CFAP61: variants seen among roughly 807,000 people sequenced by gnomAD.
CFAP61 encodes the protein cilia- and flagella-associated protein 61.
In CFAP61, 107 loss-of-function variants were observed where a neutral mutation model predicts 135.6. That is an observed-to-expected ratio of 0.79 (90% CI 0.67 to 0.93). The LOEUF (loss-of-function observed/expected upper bound fraction) is 0.93. CFAP61 is among the 40% of genes least tolerant of loss of function. The pLI, the probability that CFAP61 is intolerant of heterozygous loss-of-function variation, is 0.00. For missense variants in CFAP61, 1,507 were observed against 1,556.2 expected (o/e 0.97, Z 0.53); for synonymous variants, 575 against 578.5 (o/e 0.99, Z 0.09).
chr20:20,080,515 A>G (rs910689506), intron 6 of CFAP61, among the ~76,000 whole-genome samples: 1 of 152,228 alleles, frequency 6.6e-6, no homozygotes, highest in Non-Finnish European at 1.5e-5. Context: ...ATCATCCAGC[A>G]TTCATATATA....
At chr20:20,239,757 A>G (rs1438943504) in intron 18 of CFAP61, among the ~76,000 whole-genome samples, 1 of 152,226 alleles carries the variant, frequency 6.6e-6, no homozygotes, top group African/African-American at 2.4e-5. Context: ...AATCTCTACC[A>G]AGAACAAAGG....
At chr20:20,188,107 C>T in intron 14 of CFAP61, 51 bp downstream of exon 14, 2 of 1,596,256 alleles carry the variant, frequency 1.3e-6, no homozygotes, top group Non-Finnish European at 1.7e-6. Context: ...TTATGATGAC[C>T]CATGTAGATT....
intron 25 of CFAP61, among the ~76,000 whole-genome samples, chr20:20,305,420 T>C (rs1017124824): frequency 1.3e-5 from 2 of 152,258 alleles, no homozygotes; most frequent in African/African-American, 2.4e-5. Flanking sequence ...AGCAGCCTTT[T>C]GCTGTGTTCA....
chr20:20,117,035 C>T (rs1044401504), intron 8 of CFAP61, among the ~76,000 whole-genome samples: 3 of 152,160 alleles, frequency 2.0e-5, no homozygotes, highest in African/African-American at 4.8e-5. Flanking sequence ...CCTTTCCCCG[C>T]TTTGTTATTG....
At chr20:20,143,640 A>G (rs2051605303) in intron 9 of CFAP61, among the ~76,000 whole-genome samples, 1 of 152,234 alleles carries the variant, frequency 6.6e-6, no homozygotes, top group African/African-American at 2.4e-5. Flanking sequence ...GAAACAAGCC[A>G]AGCGAATCCT....
intron 24 of CFAP61, among the ~76,000 whole-genome samples, chr20:20,296,255 C>G (rs371068824): frequency 1.2e-5 from 1 of 81,044 alleles, no homozygotes; most frequent in Non-Finnish European, 2.6e-5. Context: ...CCTCTTCCTT[C>G]CTTTCTTCAC....
At chr20:20,067,706 A>T (rs1183812972) in intron 2 of CFAP61, among the ~76,000 whole-genome samples, 4 of 145,148 alleles carry the variant, frequency 2.8e-5, no homozygotes, top group Non-Finnish European at 6.0e-5. Flanking sequence ...ATATATTCAT[A>T]TTTTATATAT....
intron 8 of CFAP61, among the ~76,000 whole-genome samples, chr20:20,139,696 G>A (rs1024809521): frequency 4.6e-5 from 7 of 152,110 alleles, no homozygotes; most frequent in East Asian, 1.9e-4. Flanking sequence ...AGGGATGAAC[G>A]TGGCAGCTGC....
At chr20:20,340,446 G>A (rs1404477321) in intron 25 of CFAP61, among the ~76,000 whole-genome samples, 1 of 152,156 alleles carries the variant, frequency 6.6e-6, no homozygotes, top group Non-Finnish European at 1.5e-5. Flanking sequence ...GGGAACCTGG[G>A]TGTTTAGATG....
intron 21 of CFAP61, among the ~76,000 whole-genome samples, chr20:20,269,413 C>G (rs1409191792): frequency 6.6e-6 from 1 of 151,780 alleles, no homozygotes; most frequent in Non-Finnish European, 1.5e-5. Flanking sequence ...GCTCTGCCAT[C>G]CAGGCTGGAG....
intron 24 of CFAP61, among the ~76,000 whole-genome samples, chr20:20,296,258 TTCTTCACCCCTCCCCCTTCCCTCATC>T: frequency 1.1e-5 from 1 of 91,014 alleles, no homozygotes; most frequent in Non-Finnish European, 2.3e-5. Context: ...CTTCCTTCCT[TTCTTCACCCCTCCCCCTTCCCTCATC>T]CCTTCCCTCC....
At chr20:20,278,598 G>A (rs186632273) in intron 22 of CFAP61, among the ~76,000 whole-genome samples, 2 of 152,266 alleles carry the variant, frequency 1.3e-5, no homozygotes, top group Admixed American at 1.3e-4. Context: ...CCATTTAGGG[G>A]CAGGCATTCA....
intron 2 of CFAP61, among the ~76,000 whole-genome samples, chr20:20,067,050 A>G (rs1430810806): frequency 6.6e-6 from 1 of 152,106 alleles, no homozygotes; most frequent in Non-Finnish European, 1.5e-5. Context: ...TGTAAATTAT[A>G]CCACATTAAA....
chr20:20,253,530 C>A (rs138787759), intron 20 of CFAP61: 9 of 460,130 alleles, frequency 2.0e-5, no homozygotes, highest in South Asian at 1.3e-4. Flanking sequence ...AGAGAATCTA[C>A]ATGTAAACCC....
intron 13 of CFAP61, chr20:20,172,246 A>C: frequency 8.1e-6 from 8 of 984,690 alleles, no homozygotes; most frequent in Non-Finnish European, 7.2e-6. Context: ...AGGACTGGGA[A>C]TTGTAGGTGA....
At chr20:20,298,864 G>A (rs867029798) in intron 25 of CFAP61, among the ~76,000 whole-genome samples, 1 of 152,146 alleles carries the variant, frequency 6.6e-6, no homozygotes, top group South Asian at 2.1e-4. Flanking sequence ...TTTTGGTAAG[G>A]GAATTCCCAC....
chr20:20,064,032 A>ACCCCCCCCC lies in CFAP61; in HGVS notation c.144-6820_144-6819insCCCCCCCCC, dbSNP rs373522191. Among the ~76,000 whole-genome samples the ACCCCCCCCC allele has an allele frequency of 3.6e-4, 41 of 113,200 alleles. 2 individuals carry two copies. The highest frequency in any genetic ancestry group is 5.3e-4 in the Non-Finnish European group (27 of 51,252). 74.3% of individuals were successfully genotyped at this position (113,200 alleles called of 152,430 possible). ...CATTAAGGAAAGCCTAAATAGAGTA[A>ACCCCCCCCC]CCGCCCCCCACCCCGCCTTATCTGA... On this transcript the variant is annotated intron_variant, in intron 2 of 26. Transcript: ENST00000245957.
chr20:20,250,126 C>T (rs2050772924), intron 19 of CFAP61, among the ~76,000 whole-genome samples: 1 of 152,200 alleles, frequency 6.6e-6, no homozygotes, highest in Non-Finnish European at 1.5e-5. Flanking sequence ...CTAGAATTCT[C>T]TTTGTGTGGT....
intron 19 of CFAP61, among the ~76,000 whole-genome samples, chr20:20,248,232 C>T (rs2050619433): frequency 6.6e-6 from 1 of 152,184 alleles, no homozygotes; most frequent in Non-Finnish European, 1.5e-5. Flanking sequence ...TGGGTAACTG[C>T]ATGTCATCAC....
Sources: allele counts gnomAD v4.1 joint callset (sites outside exome capture counted in the v4.1 genomes callset), GRCh38; gene constraint gnomAD v4.1.1; transcripts MANE v1.5; gene names NCBI Gene and HGNC (gene_info 2026-07-23, HGNC 2026-07-21).